NDUFS1: variants seen among roughly 807,000 people sequenced by gnomAD.
NDUFS1 encodes NADH:ubiquinone oxidoreductase core subunit S1, also known as NADH-ubiquinone oxidoreductase 75 kDa subunit, mitochondrial.
Under a neutral mutation model 84.4 loss-of-function variants are expected in NDUFS1, and 61 were observed. That is an observed-to-expected ratio of 0.72 (90% confidence interval 0.59 to 0.89). The LOEUF (loss-of-function observed/expected upper bound fraction) is 0.89, where lower values mean the gene tolerates loss of function less well. Ranked by LOEUF, NDUFS1 falls within the 40% of genes least tolerant of loss-of-function variation. The probability of loss-of-function intolerance (pLI) is 0.00; values close to 1 mark genes in which losing one functional copy is unlikely to be tolerated. For missense variants in NDUFS1, 891 were observed against 890.0 expected (o/e 1.00, Z -0.01); for synonymous variants, 275 against 290.0 (o/e 0.95, Z 0.53).
chr2:206,137,284 G>A (rs1575965291), intron 13 of NDUFS1, among the ~76,000 whole-genome samples: 1 of 152,158 alleles, frequency 6.6e-6, no homozygotes. Context: ...GACCAGCCTG[G>A]CCAATATGGT....
At chr2:206,155,882 G>GTT (rs375807387) in intron 1 of NDUFS1, among the ~76,000 whole-genome samples, 2 of 145,538 alleles carry the variant, frequency 1.4e-5, no homozygotes, top group African/African-American at 2.5e-5. Flanking sequence ...AACTTTTTGA[G>GTT]TTTTTTTTTT....
rs894168367 is a variant in NDUFS1, at chr2:206,115,536, TAAG to T, written c.*8646_*8648del. On this transcript the variant is annotated 3_prime_UTR_variant, in exon 19 of 19. Transcript: ENST00000233190. ...ATGGTCTTCCTGGCCTCCAGAATTGTAAGAAGTAAATTTTTTTTTTTTTTAACG... is the reference window on the plus strand; with the variant it reads ...ATGGTCTTCCTGGCCTCCAGAATTGTAAGTAAATTTTTTTTTTTTTTAACG... 5.3e-6 allele frequency: 1 copy of T among 189,630 alleles called. No homozygotes were observed. Among genetic ancestry groups the T allele is most frequent in the South Asian group, 9.9e-5 (1 of 10,080 alleles). 11.7% of individuals were successfully genotyped at this position (189,630 alleles called of 1,614,324 possible).
chr2:206,138,433 A>G, intron 13 of NDUFS1, 52 bp downstream of exon 13: 10 of 1,573,882 alleles, frequency 6.4e-6, no homozygotes, highest in Non-Finnish European at 7.8e-6. Flanking sequence ...GTTAAGTTTA[A>G]ATAATAATAA....
At chr2:206,157,370 C>A (rs1687699765) in intron 1 of NDUFS1, among the ~76,000 whole-genome samples, 1 of 152,152 alleles carries the variant, frequency 6.6e-6, no homozygotes, top group South Asian at 2.1e-4. Context: ...TTAGTACCTA[C>A]CAGACTGTAA....
intron 1 of NDUFS1, among the ~76,000 whole-genome samples, chr2:206,157,963 C>CTTATT (rs539046435): frequency 7.6e-6 from 1 of 131,844 alleles, no homozygotes. Flanking sequence ...ATTTCAATAG[C>CTTATT]TTTTTTTTTT....
At chr2:206,140,943 T>TACACACAC (rs1553505280) in intron 12 of NDUFS1, among the ~76,000 whole-genome samples, 3 of 136,108 alleles carry the variant, frequency 2.2e-5, no homozygotes, top group African/African-American at 8.4e-5. Flanking sequence ...TATATATATA[T>TACACACAC]ACACACACAC....
intron 13 of NDUFS1, among the ~76,000 whole-genome samples, chr2:206,136,606 G>A (rs1691727104): frequency 1.3e-5 from 2 of 149,848 alleles, no homozygotes; most frequent in Admixed American, 6.7e-5. Flanking sequence ...GCTAATTTTT[G>A]TATTTTTAGT....
At chr2:206,130,672 C>T (rs1419439054) in intron 14 of NDUFS1, among the ~76,000 whole-genome samples, 1 of 152,004 alleles carries the variant, frequency 6.6e-6, no homozygotes, top group Non-Finnish European at 1.5e-5. Context: ...CCCATTCTTA[C>T]CCATTTAAAA....
In NDUFS1 at chr2:206,115,642, T is replaced by C. The variant is rs1690924840; in HGVS notation, c.*8543A>G. On this transcript the variant is annotated 3_prime_UTR_variant, in exon 19 of 19. Transcript: ENST00000233190. Reference sequence around the variant, plus strand: ...AAACAGCACCAGCAAATGCAGTGTATTGCAAAATTAAGATAGTGTTGTTCT... The same window carrying C: ...AAACAGCACCAGCAAATGCAGTGTACTGCAAAATTAAGATAGTGTTGTTCT... 1 of 333,392 alleles carries C rather than the reference T, an allele frequency of 3.0e-6. No homozygotes were observed. Among genetic ancestry groups the C allele is most frequent in the Non-Finnish European group, 5.7e-6 (1 of 176,216 alleles). The allele number at this position is 333,392 out of a possible 1,614,324, so 20.7% of individuals were successfully genotyped here.
At chr2:206,142,459 C>A (rs1692000391) in intron 11 of NDUFS1, among the ~76,000 whole-genome samples, 1 of 152,246 alleles carries the variant, frequency 6.6e-6, no homozygotes, top group Non-Finnish European at 1.5e-5. Context: ...AGGCGATCTG[C>A]CTGCCTTGGC....
At position 206,119,363 on chromosome 2, in the gene NDUFS1, T is replaced by A. The variant is rs1274946987; in HGVS notation, c.*4822A>T. 1.3e-5 allele frequency: 2 copies of A among 152,194 alleles called. No individual in the cohort carries two copies. Among genetic ancestry groups the A allele is most frequent in the Non-Finnish European group, 2.9e-5 (2 of 68,030 alleles). The allele number at this position is 152,194 out of a possible 1,614,324, so 9.4% of individuals were successfully genotyped here. On this transcript the variant is annotated 3_prime_UTR_variant, in exon 19 of 19. Coordinates refer to ENST00000233190, the MANE Select transcript of NDUFS1 (RefSeq NM_005006.7). ...AATACTCTTAAAGAAAATGTTAATG[T>A]CAACAACAAACAATAAATTGGTACT...
intron 18 of NDUFS1, among the ~76,000 whole-genome samples, chr2:206,125,559 A>G (rs913392826): frequency 6.6e-6 from 1 of 151,992 alleles, no homozygotes; most frequent in African/African-American, 2.4e-5. Flanking sequence ...ATATGTGTAT[A>G]ATGCATATGT....
At chr2:206,142,626 T>C in intron 11 of NDUFS1, 60 bp downstream of exon 11, 4 of 1,599,756 alleles carry the variant, frequency 2.5e-6, no homozygotes, top group South Asian at 2.2e-5. Flanking sequence ...TCACATTTTA[T>C]ACATAACTTG....
rs1022140951 is a variant in NDUFS1 at position 206,117,313 on chromosome 2, A to G, written c.*6872T>C. 6.6e-6 allele frequency: 1 copy of G among 152,274 alleles called. No homozygotes were observed. The highest frequency in any genetic ancestry group is 2.4e-5 in the African/African-American group (1 of 41,480). The allele number at this position is 152,274 out of a possible 1,614,324, so 9.4% of individuals were successfully genotyped here. A position where few individuals can be genotyped will look rare whatever the true frequency, so the allele number is the denominator to read the frequency against. On this transcript the variant is annotated 3_prime_UTR_variant, in exon 19 of 19. Transcript: ENST00000233190. ...TATTAGAATATGTTATGTCATTACT[A>G]TAATTGATGCCTACATATCTCTTTT...
intron 18 of NDUFS1, among the ~76,000 whole-genome samples, chr2:206,124,594 C>T (rs1691213876): frequency 6.6e-6 from 1 of 152,160 alleles, no homozygotes; most frequent in African/African-American, 2.4e-5. Context: ...AATCCCAGCA[C>T]TTTGGGAGGC....
At chr2:206,127,730 T>C in intron 16 of NDUFS1, 67 bp downstream of exon 16, 1 of 1,539,968 alleles carries the variant, frequency 6.5e-7, no homozygotes, top group Non-Finnish European at 9.0e-7. Flanking sequence ...TTGAAAATCA[T>C]TCTAACAGGC....
chr2:206,137,191 A>G (rs1053534327), intron 13 of NDUFS1, among the ~76,000 whole-genome samples: 1 of 152,258 alleles, frequency 6.6e-6, no homozygotes, highest in East Asian at 1.9e-4. Context: ...ATTTTGGTGA[A>G]GTTACTGAAT....
chr2:206,155,904 T>G (rs1453524539), intron 1 of NDUFS1, among the ~76,000 whole-genome samples: 1 of 151,732 alleles, frequency 6.6e-6, no homozygotes, highest in Non-Finnish European at 1.5e-5. Context: ...TCCTACTCAC[T>G]TGATCATATA....
chr2:206,145,691 C>T (rs954386587), intron 8 of NDUFS1, among the ~76,000 whole-genome samples: 13 of 152,158 alleles, frequency 8.5e-5, no homozygotes, highest in African/African-American at 3.1e-4. Flanking sequence ...CTTTTATGCA[C>T]TGAAAAACTG....
Sources: allele counts gnomAD v4.1 joint callset (sites outside exome capture counted in the v4.1 genomes callset), GRCh38; gene constraint gnomAD v4.1.1; transcripts MANE v1.5; gene names NCBI Gene and HGNC (gene_info 2026-07-23, HGNC 2026-07-21).